Variants in TPTE observed in about 807,000 individuals in gnomAD.
TPTE encodes the protein putative tyrosine-protein phosphatase TPTE.
In TPTE, 59 loss-of-function variants were observed where a neutral mutation model predicts 84.1. The ratio of observed to expected loss-of-function variants is 0.70; its 90% CI spans 0.57 to 0.87. TPTE has a LOEUF of 0.87. TPTE is among the 40% of genes least tolerant of loss of function. The pLI, the probability that TPTE is intolerant of heterozygous loss-of-function variation, is 0.00. For synonymous variants in TPTE, 130 were observed against 223.5 expected, an observed-to-expected ratio of 0.58 and a Z score of 3.73; for missense variants, 382 against 659.6, an observed-to-expected ratio of 0.58 and a Z score of 4.61.
chr21:10,557,852 C>A (rs113403619), intron 8 of TPTE, among the ~76,000 whole-genome samples: 1,039 of 151,918 alleles, frequency 6.8e-3, no homozygotes, highest in African/African-American at 0.024. Context: ...TTTCATCATC[C>A]AGGTATTAAG....
chr21:10,563,532 A>G (rs2074850311), intron 10 of TPTE, among the ~76,000 whole-genome samples: 1 of 152,172 alleles, frequency 6.6e-6, no homozygotes, highest in East Asian at 1.9e-4. Flanking sequence ...TAGAGTTTTT[A>G]TTAGTTTTCT....
chr21:10,584,093 C>T (rs1467848900), intron 17 of TPTE, among the ~76,000 whole-genome samples: 3 of 152,428 alleles, frequency 2.0e-5, no homozygotes, highest in Admixed American at 6.5e-5. Context: ...AATATTGACT[C>T]ATCCAACCCA....
intron 21 of TPTE, among the ~76,000 whole-genome samples, chr21:10,598,722 A>G (rs1448289624): frequency 6.6e-6 from 1 of 152,312 alleles, no homozygotes; most frequent in Non-Finnish European, 1.5e-5. Flanking sequence ...TGCTTCAATG[A>G]AGAAATGCCT....
intron 21 of TPTE, among the ~76,000 whole-genome samples, chr21:10,600,971 C>T (rs1394163513): frequency 6.6e-6 from 1 of 152,308 alleles, no homozygotes; most frequent in Non-Finnish European, 1.5e-5. Context: ...AGCATGCTGG[C>T]CCAACCCCCA....
At position 10,595,904 on chromosome 21, in the gene TPTE, T is replaced by TTATGC; in HGVS notation, c.1171-77_1171-73dup. On this transcript the variant is annotated intron_variant, in intron 19 of 23. Transcript: ENST00000618007. ...AATTACTTACCTCCATTAACAAGCT[T>TTATGC]TATGCAAAAAAAAAAAAAGGAATGC... 2.0e-6 allele frequency: 3 copies of TTATGC among 1,498,008 alleles called. No homozygotes were observed. In the South Asian group the frequency reaches 3.5e-5, roughly 18 times the overall value. The allele number at this position is 1,498,008 out of a possible 1,614,324, so 92.8% of individuals were successfully genotyped here.
chr21:10,559,886 A>G (rs1311787706), intron 9 of TPTE, among the ~76,000 whole-genome samples: 1 of 151,578 alleles, frequency 6.6e-6, no homozygotes. Context: ...AAAAAAAAAA[A>G]AAAAAAAGAA....
At chr21:10,527,155 TCTCA>T (rs1485531445) in intron 2 of TPTE, among the ~76,000 whole-genome samples, 196 bp from the exon 3 acceptor site, 1 of 144,552 alleles carries the variant, frequency 6.9e-6, no homozygotes, top group Non-Finnish European at 1.5e-5. Flanking sequence ...TCTCTCTCTC[TCTCA>T]CACACACACA....
At chr21:10,551,149 C>T (rs927871486) in intron 7 of TPTE, among the ~76,000 whole-genome samples, 2 of 152,310 alleles carry the variant, frequency 1.3e-5, no homozygotes, top group African/African-American at 4.8e-5. Flanking sequence ...CTACAAAGGA[C>T]ATGAACTCAT....
intron 5 of TPTE, among the ~76,000 whole-genome samples, chr21:10,541,387 G>A (rs1293309102): frequency 6.6e-6 from 1 of 152,300 alleles, no homozygotes; most frequent in African/African-American, 2.4e-5. Flanking sequence ...CAGGAGAATC[G>A]ATTGAACCTG....
At chr21:10,585,295 G>GTT (rs112888884) in intron 17 of TPTE, among the ~76,000 whole-genome samples, 3 of 150,096 alleles carry the variant, frequency 2.0e-5, no homozygotes, top group African/African-American at 7.3e-5. Context: ...CTTGCTAAGA[G>GTT]TTTTTTTTTT....
intron 2 of TPTE, among the ~76,000 whole-genome samples, chr21:10,526,694 T>A (rs1216832343): frequency 1.3e-5 from 2 of 152,308 alleles, no homozygotes; most frequent in Non-Finnish European, 2.9e-5. Flanking sequence ...TGTATCCGTT[T>A]ATATTGCCAC....
At chr21:10,540,173 T>C (rs368055921) in intron 4 of TPTE, among the ~76,000 whole-genome samples, 2,616 of 151,360 alleles carry the variant, frequency 0.017, no homozygotes, top group African/African-American at 0.061. Context: ...GAGTACCTTC[T>C]AGTAGGCTGG....
At chr21:10,571,520 GTA>G (rs2075043121) in intron 14 of TPTE, among the ~76,000 whole-genome samples, 1 of 152,308 alleles carries the variant, frequency 6.6e-6, no homozygotes, top group African/African-American at 2.4e-5. Context: ...AATTTAAAGA[GTA>G]TATCAAATGG....
At chr21:10,598,945 T>C (rs1404805246) in intron 21 of TPTE, among the ~76,000 whole-genome samples, 2 of 152,308 alleles carry the variant, frequency 1.3e-5, no homozygotes, top group African/African-American at 4.8e-5. Context: ...TCTTAGCAAA[T>C]ACTTTACTCT....
chr21:10,603,524 G>T, intron 22 of TPTE, 38 bp from the exon 23 acceptor site: 3 of 1,567,316 alleles, frequency 1.9e-6, no homozygotes, highest in African/African-American at 1.4e-5. Context: ...ATTAGTTCTT[G>T]GTATCAGTTT....
chr21:10,526,369 G>A (rs1361799812), intron 2 of TPTE, among the ~76,000 whole-genome samples: 2 of 152,312 alleles, frequency 1.3e-5, no homozygotes, highest in African/African-American at 2.4e-5. Flanking sequence ...ATTGATCAGA[G>A]TCCAAAATTA....
chr21:10,525,766 G>A (rs2074067182), intron 2 of TPTE, among the ~76,000 whole-genome samples: 1 of 152,304 alleles, frequency 6.6e-6, no homozygotes, highest in Non-Finnish European at 1.5e-5. Flanking sequence ...GTCCCATGAG[G>A]GAAGTCATTC....
chr21:10,554,526 A>G (rs2074640869), intron 8 of TPTE, among the ~76,000 whole-genome samples: 2 of 152,308 alleles, frequency 1.3e-5, no homozygotes, highest in South Asian at 4.1e-4. Flanking sequence ...ACACACCTTC[A>G]TTTATCCTTT....
intron 8 of TPTE, among the ~76,000 whole-genome samples, chr21:10,553,273 T>C (rs1210084432): frequency 1.3e-5 from 2 of 152,304 alleles, no homozygotes; most frequent in Non-Finnish European, 2.9e-5. Flanking sequence ...AACTGGCTTG[T>C]GTCTGAACTG....
Sources: gnomAD v4.1 joint callset for allele counts (sites outside exome capture counted in the v4.1 genomes callset) on GRCh38, gnomAD v4.1.1 for gene constraint, MANE v1.5 for transcripts, NCBI Gene and HGNC (gene_info 2026-07-23, HGNC 2026-07-21) for gene names.